CNOT4: variants seen among roughly 807,000 people sequenced by gnomAD.
CNOT4 encodes CCR4-NOT transcription complex subunit 4.
CNOT4 carries 8 observed loss-of-function variants against 73.8 expected under a neutral mutation model. The observed-to-expected ratio is 0.11, with a 90% CI of 0.06 to 0.20. The LOEUF is 0.20. Ranked by LOEUF, CNOT4 falls within the 10% of genes least tolerant of loss-of-function variation. CNOT4 has a pLI of 1.00. For missense variants in CNOT4, 564 were observed against 883.4 expected, an observed-to-expected ratio of 0.64 and a Z score of 4.58; for synonymous variants, 293 against 321.1, an observed-to-expected ratio of 0.91 and a Z score of 0.94.
intron 9 of CNOT4, 47 bp downstream of exon 9, chr7:135,395,587 A>T (rs777979338): frequency 1.9e-6 from 3 of 1,566,424 alleles, no homozygotes; most frequent in South Asian, 1.2e-5. Context: ...TCTGTCAACA[A>T]TACGTTAAGA....
At chr7:135,479,198 ATTTTTTTTTTTTT>A (rs61487024) in intron 1 of CNOT4, among the ~76,000 whole-genome samples, 57 of 89,878 alleles carry the variant, frequency 6.3e-4, no homozygotes, top group East Asian at 6.1e-3. Context: ...TTAGAACCAA[ATTTTTTTTTTTTT>A]TTTTTTTTTT....
intron 1 of CNOT4, among the ~76,000 whole-genome samples, chr7:135,483,572 C>T (rs1802526980): frequency 6.6e-6 from 1 of 151,914 alleles, no homozygotes; most frequent in South Asian, 2.1e-4. Context: ...TGCCTGTAAT[C>T]CCAGCACTTT....
intron 1 of CNOT4, chr7:135,444,592 A>T: frequency 7.4e-7 from 1 of 1,354,628 alleles, no homozygotes; most frequent in Non-Finnish European, 1.1e-6. Context: ...TGTGGAGTAC[A>T]GCACATACAC....
In CNOT4 at chr7:135,495,610, T is replaced by C. The variant is rs1227366929; in HGVS notation, c.-93+14279A>G. ...AGGATTACCTGAGGCTGGGAGGCTATAAGGAGCCAAGATCTCGCCACTGCA... is the reference window on the plus strand; with the variant it reads ...AGGATTACCTGAGGCTGGGAGGCTACAAGGAGCCAAGATCTCGCCACTGCA... On this transcript the variant is annotated intron_variant, in intron 1 of 11. Coordinates refer to ENST00000541284, the MANE Select transcript of CNOT4 (RefSeq NM_001190850.2). Among the ~76,000 whole-genome samples the C allele has an allele frequency of 2.4e-5, 3 of 123,072 alleles. No homozygotes were observed. The Admixed American group carries it at 3.0e-4, about 12-fold the overall frequency. 80.7% of individuals were successfully genotyped at this position (123,072 alleles called of 152,430 possible). A position where few individuals can be genotyped will look rare whatever the true frequency, so the allele number is the denominator to read the frequency against.
In CNOT4 at chr7:135,473,620, G is replaced by A. The variant is rs956752315; in HGVS notation, c.-92-35197C>T. Among the ~76,000 whole-genome samples, 6 of 152,202 alleles carry A rather than the reference G, an allele frequency of 3.9e-5. No individual in the cohort carries two copies. In the East Asian group the frequency reaches 5.8e-4, roughly 15 times the overall value. On this transcript the variant is annotated intron_variant, in intron 1 of 11. Coordinates refer to ENST00000541284, the MANE Select transcript of CNOT4 (RefSeq NM_001190850.2). ...AAATCAGCCAGGCATGACGGTGCAC[G>A]CCTGTAGTCCCAGCTACTTGGGAGG...
At chr7:135,492,238 T>C (rs1803158249) in intron 1 of CNOT4, among the ~76,000 whole-genome samples, 1 of 152,122 alleles carries the variant, frequency 6.6e-6, no homozygotes. Context: ...AAACCTGAGG[T>C]TTCTTACCAT....
chr7:135,450,420 G>C (rs1184202388), intron 1 of CNOT4, among the ~76,000 whole-genome samples: 2 of 152,116 alleles, frequency 1.3e-5, no homozygotes, highest in Non-Finnish European at 2.9e-5. Flanking sequence ...CTGGGTTCAA[G>C]CGATTCTCCT....
chr7:135,417,333 T>A (rs1440487287), intron 3 of CNOT4, among the ~76,000 whole-genome samples: 2 of 152,170 alleles, frequency 1.3e-5, no homozygotes, highest in Non-Finnish European at 1.5e-5. Context: ...GGTTCTAGAG[T>A]AGGAATGTAC....
chr7:135,489,391 C>CTTTTTTT (rs71174525), intron 1 of CNOT4, among the ~76,000 whole-genome samples: 15 of 84,742 alleles, frequency 1.8e-4, no homozygotes, highest in East Asian at 6.9e-4. Context: ...AGTCACATTT[C>CTTTTTTT]TTTTTTTTTT....
chr7:135,461,007 C>G lies in CNOT4; in HGVS notation c.-92-22584G>C, dbSNP rs75507494. ...TACAAACCTGTAAAAATGTAAAAAG[C>G]ATTTTTAGCTCATGGACTTTACAAA... On this transcript the variant is annotated intron_variant, in intron 1 of 11. Coordinates refer to ENST00000541284, the MANE Select transcript of CNOT4 (RefSeq NM_001190850.2). 1.1e-3 allele frequency among the ~76,000 whole-genome samples: 162 copies of G among 152,216 alleles called. 3 individuals are homozygous for G. In the East Asian group the frequency reaches 0.028, roughly 26 times the overall value.
In CNOT4 at chr7:135,472,064, T is replaced by A. The variant is rs563536363; in HGVS notation, c.-92-33641A>T. On this transcript the variant is annotated intron_variant, in intron 1 of 11. Coordinates refer to ENST00000541284, the MANE Select transcript of CNOT4 (RefSeq NM_001190850.2). ...GGCAAGTGCCTGTAGCCCCAGCTAC[T>A]TGGGGGGCTGAGGCAGGAGTAGCGC... 3.3e-5 allele frequency among the ~76,000 whole-genome samples: 5 copies of A among 151,976 alleles called. No individual in the cohort carries two copies. In the East Asian group the frequency reaches 9.7e-4, roughly 29 times the overall value.
intron 1 of CNOT4, among the ~76,000 whole-genome samples, chr7:135,440,521 G>A (rs1799415436): frequency 6.6e-6 from 1 of 152,090 alleles, no homozygotes; most frequent in Non-Finnish European, 1.5e-5. Flanking sequence ...GATAAGCTGT[G>A]CTCTTAACAA....
intron 2 of CNOT4, among the ~76,000 whole-genome samples, chr7:135,426,354 G>A (rs1798495230): frequency 1.3e-5 from 2 of 152,276 alleles, no homozygotes; most frequent in South Asian, 2.1e-4. Context: ...TGTAATCCCA[G>A]CACTTTGGGA....
Position 135,362,997 on chromosome 7 carries a change from G to A in CNOT4, c.2030C>T (p.Pro677Leu), listed in dbSNP as rs1430974217. The A allele has an allele frequency of 6.2e-7, 1 of 1,613,914 alleles. No individual in the cohort carries two copies. Residue 677 changes from proline to leucine, a missense_variant, in exon 12 of 12, where the codon CCT becomes CTT. Around this residue, in one of 10 missense-constraint regions of CNOT4, gnomAD observed 88 missense variants for 94.7 expected, o/e 0.93. Transcript: ENST00000541284. ...HRASWNPYPP[P>L]SNPSSFHSPP... is the part of the protein sequence containing the mutation. ...GGAGTGGAAGCTGGAAGGGTTTGAA[G>A]GAGGAGGGTAGGGATTCCAACTGGC...
intron 1 of CNOT4, among the ~76,000 whole-genome samples, chr7:135,460,628 A>G (rs184754829): frequency 2.0e-5 from 3 of 152,294 alleles, no homozygotes; most frequent in African/African-American, 7.2e-5. Context: ...AGATCACCGT[A>G]ACAGACATAA....
intron 1 of CNOT4, among the ~76,000 whole-genome samples, chr7:135,478,426 T>C (rs1802136901): frequency 6.6e-6 from 1 of 152,170 alleles, no homozygotes; most frequent in Non-Finnish European, 1.5e-5. Flanking sequence ...AGCTTACAAG[T>C]TGAACAGTCC....
chr7:135,497,366 G>A (rs886902659), intron 1 of CNOT4, among the ~76,000 whole-genome samples: 3 of 152,068 alleles, frequency 2.0e-5, no homozygotes, highest in Admixed American at 1.3e-4. Flanking sequence ...CCAAGATTGC[G>A]CCACTGCACT....
At chr7:135,476,374 A>G (rs1446348735) in intron 1 of CNOT4, among the ~76,000 whole-genome samples, 1 of 152,248 alleles carries the variant, frequency 6.6e-6, no homozygotes, top group Non-Finnish European at 1.5e-5. Context: ...ACTGCTAAAA[A>G]TGAGGCTTGG....
chr7:135,452,797 T>G (rs993644934), intron 1 of CNOT4, among the ~76,000 whole-genome samples: 7 of 152,172 alleles, frequency 4.6e-5, no homozygotes, highest in African/African-American at 1.7e-4. Flanking sequence ...GAGATTAGCA[T>G]CAGTATGTTT....
Sources: gnomAD v4.1 joint callset for allele counts (sites outside exome capture counted in the v4.1 genomes callset) on GRCh38, gnomAD v4.1.1 for gene constraint, gnomAD v4.1.1 regional missense constraint, MANE v1.5 for transcripts, NCBI Gene and HGNC (gene_info 2026-07-23, HGNC 2026-07-21) for gene names.